The following PRKN variants were observed in gnomAD, a reference collection of about 807,000 sequenced individuals.
The protein encoded by PRKN is E3 ubiquitin-protein ligase parkin.
Under a neutral mutation model 59.5 loss-of-function variants are expected in PRKN, and 56 were observed. The observed-to-expected ratio is 0.94, with a 90% confidence interval of 0.76 to 1.18. The LOEUF (loss-of-function observed/expected upper bound fraction) is 1.18. Ranked by LOEUF, PRKN falls within the 50% of genes most tolerant of loss-of-function variation. PRKN has a pLI of 0.00. For synonymous variants in PRKN, 250 were observed against 222.1 expected (o/e 1.13, Z -1.12); for missense variants, 657 against 596.4 (o/e 1.10, Z -1.06).
At chr6:162,659,998 C>CA (rs1778815930) in intron 1 of PRKN, among the ~76,000 whole-genome samples, 1 of 152,136 alleles carries the variant, frequency 6.6e-6, no homozygotes, top group African/African-American at 2.4e-5. Flanking sequence ...GCCAGGCATA[C>CA]AAAATACACT....
chr6:162,065,419 G>C (rs1388695423), intron 4 of PRKN, among the ~76,000 whole-genome samples: 1 of 152,132 alleles, frequency 6.6e-6, no homozygotes, highest in East Asian at 1.9e-4. Context: ...CTTTGTTCTA[G>C]CCATGGGGGC....
At chr6:161,964,647 CTGTG>C (rs886829460) in intron 6 of PRKN, among the ~76,000 whole-genome samples, 5 of 152,014 alleles carry the variant, frequency 3.3e-5, no homozygotes, top group African/African-American at 1.2e-4. Context: ...ATATATAGCT[CTGTG>C]TGCACAAACA....
chr6:162,424,220 A>G (rs1422427696), intron 2 of PRKN, among the ~76,000 whole-genome samples: 1 of 152,186 alleles, frequency 6.6e-6, no homozygotes, highest in African/African-American at 2.4e-5. Context: ...AAAAGGGTAA[A>G]CAGATCAGCG....
At chr6:161,727,347 G>A (rs761185492) in intron 7 of PRKN, among the ~76,000 whole-genome samples, 9 of 152,094 alleles carry the variant, frequency 5.9e-5, no homozygotes, top group African/African-American at 1.7e-4. Context: ...ACAGTGAGCC[G>A]GGTCCCCAAC....
At chr6:161,532,166 CTA>C (rs200674940) in intron 9 of PRKN, among the ~76,000 whole-genome samples, 17,922 of 114,572 alleles carry the variant, frequency 0.16, 1,284 homozygotes, top group East Asian at 0.28. Context: ...CTCTCTCTCT[CTA>C]TATATATATA....
intron 9 of PRKN, among the ~76,000 whole-genome samples, chr6:161,520,675 G>T (rs1356947439): frequency 1.3e-5 from 2 of 152,098 alleles, no homozygotes; most frequent in Non-Finnish European, 2.9e-5. Flanking sequence ...TTATTTAATT[G>T]GTGACTTGAA....
chr6:161,636,381 G>A (rs1783521869), intron 7 of PRKN, among the ~76,000 whole-genome samples: 1 of 152,226 alleles, frequency 6.6e-6, no homozygotes, highest in Non-Finnish European at 1.5e-5. Flanking sequence ...TCGCAAGGGG[G>A]CTGTCCATTC....
chr6:162,537,931 A>C (rs912482629), intron 1 of PRKN, among the ~76,000 whole-genome samples: 1 of 152,174 alleles, frequency 6.6e-6, no homozygotes, highest in Non-Finnish European at 1.5e-5. Context: ...TTAAGTCTAC[A>C]TTTGTGGATT....
At chr6:162,351,020 TA>T (rs757718212) in intron 2 of PRKN, among the ~76,000 whole-genome samples, 1 of 151,520 alleles carries the variant, frequency 6.6e-6, no homozygotes, top group Non-Finnish European at 1.5e-5. Context: ...CCTGACTCTA[TA>T]AAAAATAAAA....
chr6:161,569,118 C>T lies in PRKN; in HGVS notation c.933+237G>A, dbSNP rs142648157. On this transcript the variant is annotated intron_variant, in intron 8 of 11. Coordinates refer to ENST00000366898, the MANE Select transcript of PRKN (RefSeq NM_004562.3). ...TGCAGTGCTTGCTTCCTGCTTGAGT[C>T]TTGAGATGAAATGCACTGCACTGGC... 7.0e-3 allele frequency among the ~76,000 whole-genome samples: 1,059 copies of T among 152,298 alleles called. 17 individuals are homozygous for T. The highest frequency in any genetic ancestry group is 0.024 in the African/African-American group (1,014 of 41,566).
In PRKN at chr6:161,973,336, G is replaced by T; in HGVS notation, c.700C>A (p.Arg234=). The T allele has an allele frequency of 1.2e-6, 2 of 1,613,486 alleles. No homozygotes were observed. The highest frequency in any genetic ancestry group is 1.7e-6 in the Non-Finnish European group (2 of 1,179,436). Residue 234 remains arginine, a synonymous_variant, in exon 6 of 12, where the codon CGG becomes AGG. Coordinates refer to ENST00000366898, the MANE Select transcript of PRKN (RefSeq NM_004562.3). ...VALHLIATNS[R]NITCITCTDV... ...GTGCACGTAATGCAAGTGATGTTCCGACTATTTGTTGCGATCAGGTGCAAA... is the reference window on the plus strand; with the variant it reads ...GTGCACGTAATGCAAGTGATGTTCCTACTATTTGTTGCGATCAGGTGCAAA...
chr6:162,227,092 T>G (rs1344368221), intron 3 of PRKN, among the ~76,000 whole-genome samples: 1 of 152,204 alleles, frequency 6.6e-6, no homozygotes, highest in African/African-American at 2.4e-5. Context: ...TGTATATATC[T>G]ACATTTAACT....
At chr6:162,402,633 CATATAT>C (rs199645962) in intron 2 of PRKN, among the ~76,000 whole-genome samples, 1 of 149,152 alleles carries the variant, frequency 6.7e-6, no homozygotes, top group African/African-American at 2.5e-5. Context: ...CTTTCCTTGT[CATATAT>C]ATATATATTT....
chr6:162,713,249 C>T (rs1020632462), intron 1 of PRKN, among the ~76,000 whole-genome samples: 2 of 152,128 alleles, frequency 1.3e-5, no homozygotes, highest in African/African-American at 4.8e-5. Flanking sequence ...AATCCCAGCA[C>T]TTTGGGAGAC....
chr6:162,727,511 G>A lies in PRKN; in HGVS notation c.7+151C>T. ...CGGACCCGCGTCGCTGAGCTGGGGA[G>A]CCCGGCGGCGCGGGCCGGGGACGGC... On this transcript the variant is annotated intron_variant, in intron 1 of 11. Transcript: ENST00000366898. The A allele has an allele frequency of 4.7e-6, 4 of 844,968 alleles. No individual in the cohort carries two copies. In the South Asian group the frequency reaches 5.2e-5, roughly 11 times the overall value. 52.3% of individuals were successfully genotyped at this position (844,968 alleles called of 1,614,324 possible). A position where few individuals can be genotyped will look rare whatever the true frequency, so the allele number is the denominator to read the frequency against.
At chr6:162,176,918 CAA>C (rs1394825869) in intron 4 of PRKN, among the ~76,000 whole-genome samples, 1 of 114,118 alleles carries the variant, frequency 8.8e-6, no homozygotes, top group Admixed American at 1.1e-4. Context: ...ACTCTGAACA[CAA>C]TGAAATTCCT....
chr6:161,742,728 C>T (rs545251982), intron 7 of PRKN, among the ~76,000 whole-genome samples: 8 of 152,314 alleles, frequency 5.3e-5, no homozygotes, highest in South Asian at 4.1e-4. Flanking sequence ...TCTCTAATCA[C>T]GCCAGGCATT....
intron 4 of PRKN, among the ~76,000 whole-genome samples, chr6:162,087,459 A>AT (rs201749824): frequency 6.6e-6 from 1 of 151,886 alleles, no homozygotes; most frequent in Admixed American, 6.6e-5. Context: ...GAATTTTATT[A>AT]TTTTTTTAAA....
intron 2 of PRKN, among the ~76,000 whole-genome samples, chr6:162,352,285 T>C (rs1379651547): frequency 6.6e-6 from 1 of 152,154 alleles, no homozygotes; most frequent in Non-Finnish European, 1.5e-5. Context: ...ACGTAGTCTA[T>C]GAAGCAGAAA....
Sources: allele counts gnomAD v4.1 joint callset (sites outside exome capture counted in the v4.1 genomes callset), GRCh38; gene constraint gnomAD v4.1.1; transcripts MANE v1.5; gene names NCBI Gene and HGNC (gene_info 2026-07-23, HGNC 2026-07-21).